Variants in GLI2 observed in about 807,000 individuals in gnomAD.
The protein encoded by GLI2 is transcription activator GLI2.
Under a neutral mutation model 78.9 loss-of-function variants are expected in GLI2, and 22 were observed. That is an observed-to-expected ratio of 0.28 (90% CI 0.20 to 0.40). The LOEUF is 0.40. Ranked by LOEUF, GLI2 falls within the 10% of genes least tolerant of loss-of-function variation. The pLI, the probability that GLI2 is intolerant of heterozygous loss-of-function variation, is 1.00. For synonymous variants in GLI2, 974 were observed against 963.7 expected, an observed-to-expected ratio of 1.01 and a Z score of -0.20; for missense variants, 2,097 against 2,213.2, an observed-to-expected ratio of 0.95 and a Z score of 1.05.
At chr2:120,985,402 G>T (rs1452816302) in intron 12 of GLI2, among the ~76,000 whole-genome samples, 1 of 152,234 alleles carries the variant, frequency 6.6e-6, no homozygotes, top group Non-Finnish European at 1.5e-5. Flanking sequence ...GAACTGGCAG[G>T]TGTGGGGAGC....
At chr2:120,889,119 A>C (rs1677558451) in intron 2 of GLI2, among the ~76,000 whole-genome samples, 1 of 152,216 alleles carries the variant, frequency 6.6e-6, no homozygotes, top group South Asian at 2.1e-4. Flanking sequence ...CTCCGAAAGA[A>C]GTGCGGTGGC....
In GLI2 at chr2:120,778,470, C is replaced by G. The variant is rs192710202; in HGVS notation, c.-30-18821C>G. ...GCACGGTGGGTTACCTGCCGGGTTC[C>G]TAGGGCAGGTGATGTGGCGCAGGAC... is the stretch of plus-strand genomic sequence containing the variant. On this transcript the variant is annotated intron_variant, in intron 1 of 13. Transcript: ENST00000361492. 1.1e-4 allele frequency among the ~76,000 whole-genome samples: 16 copies of G among 152,234 alleles called. No homozygotes were observed. The East Asian group carries it at 2.5e-3, about 24-fold the overall frequency.
At chr2:120,804,123 A>T (rs1256034464) in intron 2 of GLI2, among the ~76,000 whole-genome samples, 1 of 152,168 alleles carries the variant, frequency 6.6e-6, no homozygotes, top group Non-Finnish European at 1.5e-5. Flanking sequence ...GCATGTCTAT[A>T]TGGGAATGCT....
intron 5 of GLI2, among the ~76,000 whole-genome samples, chr2:120,959,176 G>A (rs543408461): frequency 7.2e-5 from 11 of 152,242 alleles, no homozygotes; most frequent in East Asian, 5.8e-4. Flanking sequence ...CAGTGGGCGC[G>A]AGAGCTCCCA....
Position 120,988,873 on chromosome 2 carries a change from T to G in GLI2, c.2908T>G (p.Phe970Val). ...CCTGTCCCTGCCGCGGGTGCAGCGC[T>G]TCCACAGCACCCACAACGTGAACCC... ...DALSLPRVQRFHSTHNVNPGP... is the reference protein window; with the variant it reads ...DALSLPRVQRVHSTHNVNPGP... Residue 970 changes from phenylalanine to valine, a missense_variant, in exon 14 of 14, where the codon TTC becomes GTC. This residue lies in a region of GLI2 where 1,290 missense variants were observed against 1,261.7 expected (regional missense o/e 1.02). Transcript: ENST00000361492. 2 of 1,500,880 alleles carry G rather than the reference T, an allele frequency of 1.3e-6. No individual in the cohort carries two copies. The highest frequency in any genetic ancestry group is 1.8e-6 in the Non-Finnish European group (2 of 1,127,440). 93.0% of individuals were successfully genotyped at this position (1,500,880 alleles called of 1,614,324 possible).
intron 2 of GLI2, among the ~76,000 whole-genome samples, chr2:120,923,105 A>G (rs191038632): frequency 0.053 from 8,053 of 150,952 alleles, 663 homozygotes; most frequent in African/African-American, 0.18. Context: ...CATACACACC[A>G]TATGCACATA....
chr2:120,886,050 A>G (rs891526299), intron 2 of GLI2, among the ~76,000 whole-genome samples: 5 of 151,866 alleles, frequency 3.3e-5, no homozygotes, highest in Middle Eastern at 3.4e-3. Flanking sequence ...GAGAACCCCT[A>G]TTCTCATTTT....
intron 5 of GLI2, among the ~76,000 whole-genome samples, chr2:120,963,600 GTCCACCTGGGGTGTGTGTGTGTGTC>G (rs958936550): frequency 6.6e-6 from 1 of 150,878 alleles, no homozygotes; most frequent in Admixed American, 6.6e-5. Context: ...GTGTGTGTGT[GTCCACCTGGGGTGTGTGTGTGTGTC>G]TCCACCTGGG....
intron 10 of GLI2, among the ~76,000 whole-genome samples, chr2:120,982,369 G>C (rs188400899): frequency 1.8e-3 from 275 of 152,278 alleles, no homozygotes; most frequent in African/African-American, 6.1e-3. Flanking sequence ...AATGATATGG[G>C]AATATGCTGC....
chr2:120,963,678 G>A lies in GLI2; in HGVS notation c.644-5036G>A, dbSNP rs1023391241. ...GGGGCCCTCCCTGTGCCTTCCTGCC[G>A]TCATACTCCCTGCCCCCTGAGACAC... is the stretch of plus-strand genomic sequence containing the variant. On this transcript the variant is annotated intron_variant, in intron 5 of 13. Coordinates refer to ENST00000361492, the MANE Select transcript of GLI2 (RefSeq NM_001374353.1). 9.2e-5 allele frequency among the ~76,000 whole-genome samples: 14 copies of A among 152,220 alleles called. 1 individual carries two copies. The highest frequency in any genetic ancestry group is 1.3e-4 in the Admixed American group (2 of 15,298).
chr2:120,968,561 A>G (rs1439273870), intron 5 of GLI2, among the ~76,000 whole-genome samples, 153 bp from the exon 6 acceptor site: 1 of 152,198 alleles, frequency 6.6e-6, no homozygotes, highest in African/African-American at 2.4e-5. Context: ...CCGAGAGGTG[A>G]CATCCTTCGC....
chr2:120,741,215 T>C (rs930687275), intron 1 of GLI2, among the ~76,000 whole-genome samples: 10 of 152,176 alleles, frequency 6.6e-5, no homozygotes, highest in African/African-American at 2.4e-4. Context: ...AAGCCCCTGA[T>C]GTGATTACGC....
At chr2:120,742,318 G>C (rs1218075465) in intron 1 of GLI2, among the ~76,000 whole-genome samples, 1 of 152,146 alleles carries the variant, frequency 6.6e-6, no homozygotes, top group Non-Finnish European at 1.5e-5. Flanking sequence ...TTAAAAGAGC[G>C]TCCCTGGGTC....
In GLI2 at chr2:120,783,705, GAGTTTTTGGCAC is replaced by G. The variant is rs139386286; in HGVS notation, c.-30-13585_-30-13574del. Among the ~76,000 whole-genome samples the G allele has an allele frequency of 6.2e-3, 939 of 152,252 alleles. 17 individuals carry two copies. The highest frequency in any genetic ancestry group is 0.057 in the East Asian group (297 of 5,170). Reference sequence around the variant, plus strand: ...ACAGCCAGGGACAGCTGGCAGCACAGAGTTTTTGGCACCTTGCTTTCCTCCTCCTCCTCCCTC... The same window carrying G: ...ACAGCCAGGGACAGCTGGCAGCACAGCTTGCTTTCCTCCTCCTCCTCCCTC... On this transcript the variant is annotated intron_variant, in intron 1 of 13. Coordinates refer to ENST00000361492, the MANE Select transcript of GLI2 (RefSeq NM_001374353.1).
chr2:120,877,815 G>A (rs1558851092), intron 2 of GLI2, among the ~76,000 whole-genome samples: 1 of 152,212 alleles, frequency 6.6e-6, no homozygotes, highest in Admixed American at 6.5e-5. Context: ...GGGCTATTCT[G>A]TGCTGCTTAT....
chr2:120,900,752 G>A (rs1038623687), intron 2 of GLI2, among the ~76,000 whole-genome samples: 1 of 152,204 alleles, frequency 6.6e-6, no homozygotes, highest in Admixed American at 6.5e-5. Flanking sequence ...TCCAAAAATC[G>A]GAGGTCAGTG....
intron 1 of GLI2, among the ~76,000 whole-genome samples, chr2:120,744,461 A>G (rs987325729): frequency 2.6e-5 from 4 of 152,218 alleles, no homozygotes; most frequent in African/African-American, 4.8e-5. Context: ...AGGTATGTGA[A>G]TCAATAGTTG....
intron 2 of GLI2, among the ~76,000 whole-genome samples, chr2:120,858,069 G>A (rs1214513970): frequency 6.6e-6 from 1 of 152,148 alleles, no homozygotes; most frequent in African/African-American, 2.4e-5. Context: ...TAGGGTGGTC[G>A]AGGTGAGAAG....
intron 2 of GLI2, among the ~76,000 whole-genome samples, chr2:120,799,929 G>A (rs1558802738): frequency 6.6e-6 from 1 of 152,178 alleles, no homozygotes; most frequent in Non-Finnish European, 1.5e-5. Context: ...CTCAGGGGCG[G>A]GGATGCTCTT....
Sources: gnomAD v4.1 joint callset for allele counts (sites outside exome capture counted in the v4.1 genomes callset) on GRCh38, gnomAD v4.1.1 for gene constraint, gnomAD v4.1.1 regional missense constraint, MANE v1.5 for transcripts, NCBI Gene and HGNC (gene_info 2026-07-23, HGNC 2026-07-21) for gene names.